Variants in BCOR observed in about 807,000 individuals in gnomAD.
BCOR encodes the protein BCL6 corepressor, also known as BCL-6 corepressor.
In BCOR, 10 loss-of-function variants were observed where a neutral mutation model predicts 86.7. The observed-to-expected ratio is 0.12, with a 90% CI of 0.07 to 0.20. The LOEUF is 0.20. BCOR is among the 10% of genes least tolerant of loss of function. BCOR has a pLI of 1.00. For missense variants in BCOR, 1,259 were observed against 1,452.1 expected (o/e 0.87, Z 2.16); for synonymous variants, 611 against 609.0 (o/e 1.00, Z -0.05).
chrX:40,088,449 G>A lies in BCOR; in HGVS notation c.-41+8766C>T, dbSNP rs967826134. Among the ~76,000 whole-genome samples the A allele has an allele frequency of 5.4e-5, 6 of 111,888 alleles. No individual in the cohort carries two copies. The East Asian group carries it at 1.7e-3, about 31-fold the overall frequency. ...GCTCTTTCAGCACAAAGGCTTTTAG[G>A]GGAAGAAGGGAAAAAGAGGGAGGAG... On this transcript the variant is annotated intron_variant, in intron 1 of 14. Transcript: ENST00000378444.
chrX:40,116,354 A>G (rs1937394726), intron 1 of BCOR, among the ~76,000 whole-genome samples: 1 of 109,552 alleles, frequency 9.1e-6, no homozygotes, highest in South Asian at 4.1e-4. Flanking sequence ...AAAATTAGCC[A>G]TGTGTGGTGG....
intron 1 of BCOR, among the ~76,000 whole-genome samples, chrX:40,121,406 C>A (rs1277633040): frequency 8.9e-6 from 1 of 112,751 alleles, no homozygotes; most frequent in Non-Finnish European, 1.9e-5. Context: ...CTCACCCTCT[C>A]AAACCACCCT....
Position 40,062,345 on chromosome X carries a change from C to T in BCOR, c.4222G>A (p.Asp1408Asn), listed in dbSNP as rs2147014539. Residue 1408 changes from aspartate to asparagine, a missense_variant, in exon 10 of 15, where the codon GAT becomes AAT. Asp to Asn is a conservative substitution (Grantham distance 23, BLOSUM62 1). This residue lies in a region of BCOR where 305 missense variants were observed against 286.1 expected (regional missense o/e 1.07). Coordinates refer to ENST00000378444, the MANE Select transcript of BCOR (RefSeq NM_001123385.2). ...GGCTCCTGCTTGGCTGGTGACAGAT[C>T]ATAGTCCGAACTGGGCTCCGGCCGC... is the stretch of plus-strand genomic sequence containing the variant. ...RKRPEPSSDY[D>N]LSPAKQEPKP... 1.7e-6 allele frequency: 2 copies of T among 1,207,177 alleles called. No individual in the cohort carries two copies. Among genetic ancestry groups the T allele is most frequent in the Non-Finnish European group, 2.2e-6 (2 of 893,498 alleles).
intron 7 of BCOR, among the ~76,000 whole-genome samples, 171 bp downstream of exon 7, chrX:40,064,165 G>A (rs1299245577): frequency 2.7e-5 from 3 of 110,978 alleles, no homozygotes; most frequent in Admixed American, 9.4e-5. Flanking sequence ...GGAACCTCAC[G>A]AGGCAGTGTG....
At position 40,077,921 on chromosome X, in the gene BCOR, T is replaced by A. The variant is rs1281466932; in HGVS notation, c.9A>T (p.Ser3=). The stretch of plus-strand genomic sequence containing the variant: ...GAACGTTCCCATACAGGGGGGTTGC[T>A]GAGAGCATGTCGTCTTCTGGGATGG... ML[S]ATPLYGNVHS... is the part of the protein sequence containing the mutation. Residue 3 remains serine, a synonymous_variant, in exon 2 of 15, where the codon TCA becomes TCT. Transcript: ENST00000378444. 8.3e-7 allele frequency: 1 copy of A among 1,209,412 alleles called. No homozygotes were observed. The highest frequency in any genetic ancestry group is 3.0e-5 in the East Asian group (1 of 33,851).
intron 1 of BCOR, among the ~76,000 whole-genome samples, chrX:40,078,870 C>T (rs1031051171): frequency 9.8e-6 from 1 of 101,944 alleles, no homozygotes; most frequent in Non-Finnish European, 2.0e-5. Flanking sequence ...ACATCACATT[C>T]TAGTTTGCTG....
chrX:40,112,295 A>T (rs1196867349), intron 1 of BCOR, among the ~76,000 whole-genome samples: 10 of 106,573 alleles, frequency 9.4e-5, no homozygotes, highest in African/African-American at 2.1e-4. Flanking sequence ...GATGACTTAC[A>T]TTTTTTTTTT....
At chrX:40,078,348 G>T (rs1326294909) in intron 1 of BCOR, among the ~76,000 whole-genome samples, 1 of 112,216 alleles carries the variant, frequency 8.9e-6, no homozygotes, top group Non-Finnish European at 1.9e-5. Flanking sequence ...TTCAACAAGG[G>T]GAGGCTCTGA....
upstream of BCOR, among the ~76,000 whole-genome samples, chrX:40,100,906 G>C (rs747894244): frequency 3.4e-3 from 375 of 109,067 alleles, no homozygotes; most frequent in Non-Finnish European, 5.9e-3. Context: ...TTGCCTCCAC[G>C]GTAGGCTGGT....
At chrX:40,157,969 C>T (rs1162163564) in intron 1 of BCOR, among the ~76,000 whole-genome samples, 2 of 112,693 alleles carry the variant, frequency 1.8e-5, no homozygotes, top group Non-Finnish European at 3.8e-5. Flanking sequence ...GTGCTTTGAG[C>T]CCTGTGTTTT....
chrX:40,107,672 G>A (rs1170329888), intron 1 of BCOR, among the ~76,000 whole-genome samples: 1 of 112,151 alleles, frequency 8.9e-6, no homozygotes, highest in African/African-American at 3.2e-5. Flanking sequence ...GGCGCTGGCA[G>A]GGAGCCACTG....
In BCOR at chrX:40,073,564, A is replaced by G. The variant is rs1414405167; in HGVS notation, c.1782T>C (p.Val594=). The part of the protein sequence containing the change: ...SRSSVETTPS[V]IQHVGQPPAT... ...CCGGGGGCTGGCCCACGTGCTGAAT[A>G]ACGGATGGTGTGGTTTCTACAGAGC... Residue 594 remains valine (V), a synonymous_variant, in exon 4 of 15, where the codon GTT becomes GTC. Transcript: ENST00000378444. The G allele has an allele frequency of 2.5e-6, 3 of 1,212,060 alleles. No homozygotes were observed. Among genetic ancestry groups the G allele is most frequent in the East Asian group, 3.0e-5 (1 of 33,869 alleles).
At chrX:40,115,513 C>T (rs1247271270) in intron 1 of BCOR, among the ~76,000 whole-genome samples, 6 of 108,719 alleles carry the variant, frequency 5.5e-5, no homozygotes, top group Admixed American at 9.7e-5. Context: ...CGGTGGCTCA[C>T]GCCTGTAATC....
intron 8 of BCOR, 39 bp from the exon 9 acceptor site, chrX:40,063,110 G>GGGGGGA: frequency 1.6e-6 from 1 of 644,552 alleles, no homozygotes; most frequent in Non-Finnish European, 2.2e-6. Flanking sequence ...GGGCGGATGG[G>GGGGGGA]AGACGGGAGA....
At chrX:40,161,069 T>G in intron 1 of BCOR, among the ~76,000 whole-genome samples, 1 of 107,595 alleles carries the variant, frequency 9.3e-6, no homozygotes. Flanking sequence ...TGGTGCGATC[T>G]GGGCTCACTG....
At chrX:40,124,400 G>A (rs1311756522) in intron 1 of BCOR, among the ~76,000 whole-genome samples, 1 of 109,366 alleles carries the variant, frequency 9.1e-6, no homozygotes, top group Non-Finnish European at 1.9e-5. Context: ...AGCCTCCCAA[G>A]TAGCTGAGAC....
In BCOR at chrX:40,075,239, A is replaced by G; in HGVS notation, c.166-59T>C. On this transcript the variant is annotated intron_variant, in intron 3 of 14. Transcript: ENST00000378444. ...TACTCCTTCAAGGCAGCAGCACCCA[A>G]AGACACTGCCAACTAGTTCAACATG... 7 of 1,037,497 alleles carry G rather than the reference A, an allele frequency of 6.7e-6. No homozygotes were observed. In the South Asian group the frequency reaches 1.2e-4, roughly 18 times the overall value. 85.5% of individuals were successfully genotyped at this position (1,037,497 alleles called of 1,213,427 possible). A position where few individuals can be genotyped will look rare whatever the true frequency, so the allele number is the denominator to read the frequency against.
upstream of BCOR, among the ~76,000 whole-genome samples, chrX:40,102,754 G>A (rs1247979021): frequency 8.8e-6 from 1 of 113,577 alleles, no homozygotes; most frequent in Non-Finnish European, 1.9e-5. Flanking sequence ...GAGGGGTAGA[G>A]AAGGCTCTGC....
chrX:40,054,613 C>A (rs1296614450), intron 12 of BCOR, among the ~76,000 whole-genome samples: 2 of 110,107 alleles, frequency 1.8e-5, no homozygotes, highest in Non-Finnish European at 3.8e-5. Flanking sequence ...TCAAGGGATT[C>A]TCCTGCCTCA....
Sources: gnomAD v4.1 joint callset for allele counts (sites outside exome capture counted in the v4.1 genomes callset) on GRCh38, gnomAD v4.1.1 for gene constraint, gnomAD v4.1.1 regional missense constraint, MANE v1.5 for transcripts, NCBI Gene and HGNC (gene_info 2026-07-23, HGNC 2026-07-21) for gene names.